TENM3: variants seen among roughly 807,000 people sequenced by gnomAD.
TENM3 encodes teneurin transmembrane protein 3.
Under a neutral mutation model 255.1 loss-of-function variants are expected in TENM3, and 63 were observed. The ratio of observed to expected loss-of-function variants is 0.25; its 90% CI spans 0.20 to 0.30. The LOEUF (loss-of-function observed/expected upper bound fraction) is 0.30. TENM3 is among the 10% of genes least tolerant of loss of function. TENM3 has a pLI of 1.00. For missense variants in TENM3, 2,929 were observed against 3,461.1 expected, an observed-to-expected ratio of 0.85 and a Z score of 3.86; for synonymous variants, 1,306 against 1,322.3, an observed-to-expected ratio of 0.99 and a Z score of 0.27.
At chr4:182,024,161 A>G in the TENM3 span, among the ~76,000 whole-genome samples, 4 of 152,214 alleles carry the variant, frequency 2.6e-5, no homozygotes, top group Non-Finnish European at 5.9e-5. Flanking sequence ...AAAATGCAAA[A>G]TCAAGAATTT....
the TENM3 span, among the ~76,000 whole-genome samples, chr4:182,031,677 T>C: frequency 6.6e-6 from 1 of 152,216 alleles, no homozygotes; most frequent in Non-Finnish European, 1.5e-5. Context: ...ATTCTTCCTA[T>C]CCATGAAGAT....
chr4:182,357,536 T>C (rs929004031), intron 3 of TENM3, among the ~76,000 whole-genome samples: 5 of 149,468 alleles, frequency 3.3e-5, no homozygotes, highest in African/African-American at 7.3e-5. Context: ...TGTCTGTTCA[T>C]GTCCTTCGCC....
At chr4:182,795,415 C>T (rs939001217) in intron 26 of TENM3, among the ~76,000 whole-genome samples, 1 of 152,146 alleles carries the variant, frequency 6.6e-6, no homozygotes, top group Non-Finnish European at 1.5e-5. Context: ...CTCATATACA[C>T]TCTTACATAC....
chr4:181,982,638 T>G, the TENM3 span, among the ~76,000 whole-genome samples: 2 of 152,106 alleles, frequency 1.3e-5, no homozygotes, highest in African/African-American at 4.8e-5. Flanking sequence ...GCTCCAAAAG[T>G]GCCTAACATT....
At chr4:181,950,970 A>G in the TENM3 span, among the ~76,000 whole-genome samples, 3 of 152,038 alleles carry the variant, frequency 2.0e-5, no homozygotes, top group African/African-American at 4.8e-5. Context: ...TGAGCCCAGG[A>G]GGTGGAAGCT....
chr4:181,861,352 G>A, the TENM3 span, among the ~76,000 whole-genome samples: 31 of 152,078 alleles, frequency 2.0e-4, no homozygotes, highest in African/African-American at 3.4e-4. Context: ...GGAACATTCC[G>A]CCTTTCGATC....
At chr4:182,442,222 C>T (rs1188678396) in intron 3 of TENM3, among the ~76,000 whole-genome samples, 1 of 152,114 alleles carries the variant, frequency 6.6e-6, no homozygotes, top group African/African-American at 2.4e-5. Context: ...AAAACACATT[C>T]TATATGACTA....
At chr4:181,827,013 T>C in the TENM3 span, among the ~76,000 whole-genome samples, 1 of 152,176 alleles carries the variant, frequency 6.6e-6, no homozygotes, top group African/African-American at 2.4e-5. Flanking sequence ...ATTTCATCTC[T>C]GTCATTTCCT....
At chr4:182,013,568 C>T in the TENM3 span, among the ~76,000 whole-genome samples, 2 of 152,098 alleles carry the variant, frequency 1.3e-5, no homozygotes, top group African/African-American at 2.4e-5. Flanking sequence ...CTCCCTTTCT[C>T]CTCTGATGGT....
chr4:181,463,731 A>G, the TENM3 span, among the ~76,000 whole-genome samples: 4 of 152,174 alleles, frequency 2.6e-5, no homozygotes, highest in African/African-American at 9.7e-5. Context: ...CTGTGCAACC[A>G]TCATCCATAT....
intron 5 of TENM3, among the ~76,000 whole-genome samples, chr4:182,639,768 C>T (rs184366356): frequency 3.4e-4 from 52 of 152,270 alleles, no homozygotes; most frequent in African/African-American, 1.2e-3. Context: ...CCATCTCTGA[C>T]ACTTGCCTTT....
intron 5 of TENM3, among the ~76,000 whole-genome samples, chr4:182,647,406 A>G (rs147465927): frequency 2.4e-3 from 370 of 152,314 alleles, no homozygotes; most frequent in African/African-American, 8.6e-3. Context: ...CCTGGTCATC[A>G]CCATTCTACT....
chr4:182,355,312 C>T (rs1765446631), intron 3 of TENM3, among the ~76,000 whole-genome samples: 2 of 152,104 alleles, frequency 1.3e-5, no homozygotes, highest in Non-Finnish European at 2.9e-5. Flanking sequence ...AAGTAGCCCC[C>T]GAGCAAAGTC....
At chr4:181,917,137 T>C in the TENM3 span, among the ~76,000 whole-genome samples, 18 of 152,198 alleles carry the variant, frequency 1.2e-4, no homozygotes, top group African/African-American at 4.3e-4. Flanking sequence ...TTATGGGTGC[T>C]TGAACACATC....
At chr4:181,925,928 T>C in the TENM3 span, among the ~76,000 whole-genome samples, 85 of 152,340 alleles carry the variant, frequency 5.6e-4, 1 homozygote, top group East Asian at 0.015. Context: ...GGAAAGATAA[T>C]GTGGTTAGCT....
At chr4:181,622,947 G>A in the TENM3 span, among the ~76,000 whole-genome samples, 1,734 of 152,142 alleles carry the variant, frequency 0.011, 40 homozygotes, top group African/African-American at 0.04. Flanking sequence ...CATTAACAAT[G>A]CCATGCGTTA....
At chr4:182,371,413 AAT>A (rs1766803094) in intron 3 of TENM3, among the ~76,000 whole-genome samples, 1 of 152,116 alleles carries the variant, frequency 6.6e-6, no homozygotes, top group Non-Finnish European at 1.5e-5. Context: ...TCTGCCCTCA[AAT>A]ATGTCTTCAA....
At chr4:182,713,062 T>C (rs920565787) in intron 12 of TENM3, among the ~76,000 whole-genome samples, 1 of 152,232 alleles carries the variant, frequency 6.6e-6, no homozygotes, top group Non-Finnish European at 1.5e-5. Flanking sequence ...AAAAATTGTT[T>C]TTTTTAAATG....
At chr4:182,198,528 G>T (rs143583645) in intron 1 of TENM3, among the ~76,000 whole-genome samples, 1 of 152,212 alleles carries the variant, frequency 6.6e-6, no homozygotes, top group Admixed American at 6.5e-5. Flanking sequence ...AGCTTGCTGC[G>T]GATAGCCCGC....
Sources: gnomAD v4.1 joint callset for allele counts (sites outside exome capture counted in the v4.1 genomes callset) on GRCh38, gnomAD v4.1.1 for gene constraint, MANE v1.5 for transcripts, NCBI Gene and HGNC (gene_info 2026-07-23, HGNC 2026-07-21) for gene names.